CHST3: variants seen among roughly 807,000 people sequenced by gnomAD.
CHST3 encodes the protein carbohydrate sulfotransferase 3, also known as C6ST-1.
A neutral mutation model predicts 35.4 loss-of-function variants in CHST3; 20 were observed. That is an observed-to-expected ratio of 0.57 (90% CI 0.40 to 0.82). CHST3 has a LOEUF of 0.82. CHST3 is among the 40% of genes least tolerant of loss of function. The pLI, the probability that CHST3 is intolerant of heterozygous loss-of-function variation, is 0.00. For missense variants in CHST3, 693 were observed against 670.1 expected (o/e 1.03, Z -0.38); for synonymous variants, 334 against 295.9 (o/e 1.13, Z -1.32).
Position 71,964,614 on chromosome 10 carries a change from GC to G in CHST3, c.-187del, listed in dbSNP as rs1839610556. On this transcript the variant is annotated 5_prime_UTR_variant, in exon 1 of 3. Transcript: ENST00000373115. ...TCTGCCGGGATCTTCCAGGAGGAAA[GC>G]GAAGTTGCGAGCGGATGCTGCCCGC... 1 of 152,066 alleles carries G rather than the reference GC, an allele frequency of 6.6e-6. No individual in the cohort carries two copies. The highest frequency in any genetic ancestry group is 1.5e-5 in the Non-Finnish European group (1 of 67,988). 9.4% of individuals were successfully genotyped at this position (152,066 alleles called of 1,614,324 possible).
intron 1 of CHST3, among the ~76,000 whole-genome samples, chr10:71,976,541 G>A (rs568126156): frequency 6.6e-6 from 1 of 152,272 alleles, no homozygotes; most frequent in South Asian, 2.1e-4. Flanking sequence ...GGCTTCAGGG[G>A]TGGCCATTCC....
intron 1 of CHST3, among the ~76,000 whole-genome samples, chr10:72,003,240 G>A (rs1840009662): frequency 6.6e-6 from 1 of 152,222 alleles, no homozygotes; most frequent in African/African-American, 2.4e-5. Flanking sequence ...CAACCAGAGT[G>A]CAAGCCCCGG....
chr10:72,008,308 A>C lies in CHST3; in HGVS notation c.1277A>C (p.Glu426Ala), dbSNP rs1313539765. The C allele has an allele frequency of 6.3e-7, 1 of 1,583,304 alleles. No individual in the cohort carries two copies. The highest frequency in any genetic ancestry group is 1.2e-5 in the South Asian group (1 of 86,462). ...CAGAAGAACTCCTCGGAGCAGTTCG[A>C]GAAGTGGCGCTTCAGCATGCCCTTC... ...STQKNSSEQFEKWRFSMPFKL... is the reference protein window; with the variant it reads ...STQKNSSEQFAKWRFSMPFKL... Residue 426 changes from glutamate to alanine, a missense_variant, in exon 3 of 3, where the codon GAG (glutamate) becomes GCG (alanine). By Grantham distance (107) the Glu-to-Ala change is moderately radical. Transcript: ENST00000373115.
chr10:71,996,621 G>T (rs992862903), intron 1 of CHST3, among the ~76,000 whole-genome samples: 7 of 152,064 alleles, frequency 4.6e-5, no homozygotes, highest in African/African-American at 1.7e-4. Context: ...TTTTTCAGTG[G>T]AGTATTAATT....
chr10:71,980,343 C>T (rs1839787739), intron 1 of CHST3, among the ~76,000 whole-genome samples: 1 of 152,084 alleles, frequency 6.6e-6, no homozygotes, highest in Admixed American at 6.6e-5. Context: ...CGTTGTACTC[C>T]AACCCGGGCA....
At chr10:71,999,584 G>A (rs543814867) in intron 1 of CHST3, among the ~76,000 whole-genome samples, 7 of 152,328 alleles carry the variant, frequency 4.6e-5, no homozygotes, top group African/African-American at 9.6e-5. Context: ...CCAGGCAGGC[G>A]AGGGGAGTGG....
intron 1 of CHST3, among the ~76,000 whole-genome samples, chr10:71,969,467 C>T (rs1288014772): frequency 6.6e-6 from 1 of 152,204 alleles, no homozygotes; most frequent in Non-Finnish European, 1.5e-5. Flanking sequence ...TGAGAGCCCC[C>T]AGTACAGATG....
At chr10:71,967,184 GT>G (rs1839639762) in intron 1 of CHST3, among the ~76,000 whole-genome samples, 1 of 152,098 alleles carries the variant, frequency 6.6e-6, no homozygotes, top group African/African-American at 2.4e-5. Flanking sequence ...TAGAGACAGG[GT>G]TTTACCATGT....
intron 1 of CHST3, among the ~76,000 whole-genome samples, chr10:71,994,207 G>A (rs746854503): frequency 5.3e-5 from 8 of 151,902 alleles, no homozygotes; most frequent in Non-Finnish European, 8.8e-5. Flanking sequence ...TGAGGCTACA[G>A]TAAGCCATAA....
chr10:72,013,403 A>G lies in CHST3; in HGVS notation c.*4932A>G, dbSNP rs939267022. On this transcript the variant is annotated 3_prime_UTR_variant, in exon 3 of 3. Coordinates refer to ENST00000373115, the MANE Select transcript of CHST3 (RefSeq NM_004273.5). ...TCCCAGATGTCCTTGCCATGGCCACAGACAATCTGCCGTCTCCTGGAAACG... is the reference window on the plus strand; with the variant it reads ...TCCCAGATGTCCTTGCCATGGCCACGGACAATCTGCCGTCTCCTGGAAACG... 2 of 152,172 alleles carry G rather than the reference A, an allele frequency of 1.3e-5. No homozygotes were observed. The highest frequency in any genetic ancestry group is 1.3e-4 in the Admixed American group (2 of 15,280). 9.4% of individuals were successfully genotyped at this position (152,172 alleles called of 1,614,324 possible).
At chr10:71,994,950 A>G (rs1165520569) in intron 1 of CHST3, among the ~76,000 whole-genome samples, 2 of 152,178 alleles carry the variant, frequency 1.3e-5, no homozygotes, top group African/African-American at 4.8e-5. Flanking sequence ...TGTCTCTCTC[A>G]GCTTTCCTAG....
chr10:71,994,280 A>T (rs2131758703), intron 1 of CHST3, among the ~76,000 whole-genome samples: 1 of 152,178 alleles, frequency 6.6e-6, no homozygotes, highest in Admixed American at 6.5e-5. Flanking sequence ...AAAAAAAAAA[A>T]ATTAATTAAT....
At chr10:71,991,578 A>G (rs910981761) in intron 1 of CHST3, among the ~76,000 whole-genome samples, 3 of 152,216 alleles carry the variant, frequency 2.0e-5, no homozygotes, top group South Asian at 4.1e-4. Context: ...CACTGCAACA[A>G]AATTAATATC....
intron 1 of CHST3, among the ~76,000 whole-genome samples, chr10:71,977,703 T>C (rs1190564339): frequency 6.6e-6 from 1 of 152,092 alleles, no homozygotes; most frequent in Admixed American, 6.6e-5. Flanking sequence ...AGGGTCTTGC[T>C]CAGTTGCCCA....
At chr10:71,990,313 G>T (rs559548939) in intron 1 of CHST3, among the ~76,000 whole-genome samples, 1 of 152,262 alleles carries the variant, frequency 6.6e-6, no homozygotes, top group Admixed American at 6.5e-5. Context: ...CCTACCTGTG[G>T]CGTCCTTACC....
At chr10:72,005,066 A>G (rs1334191580) in intron 1 of CHST3, among the ~76,000 whole-genome samples, 3 of 152,224 alleles carry the variant, frequency 2.0e-5, no homozygotes, top group African/African-American at 7.2e-5. Context: ...TTGAGGCTGC[A>G]GTAAACTATG....
Position 72,008,636 on chromosome 10 carries a change from T to G in CHST3, c.*165T>G, listed in dbSNP as rs577535813. On this transcript the variant is annotated 3_prime_UTR_variant, in exon 3 of 3. Coordinates refer to ENST00000373115, the MANE Select transcript of CHST3 (RefSeq NM_004273.5). ...CCAAAGCGGCGGCCCCAGGGTTAAT[T>G]GCGGAGAACAGGACAGTGCCCGGTC... is the stretch of plus-strand genomic sequence containing the variant. 3 of 1,377,714 alleles carry G rather than the reference T, an allele frequency of 2.2e-6. No individual in the cohort carries two copies. The highest frequency in any genetic ancestry group is 2.9e-5 in the African/African-American group (2 of 68,488). 85.3% of individuals were successfully genotyped at this position (1,377,714 alleles called of 1,614,324 possible).
In CHST3 at chr10:72,008,211, A is replaced by T. The variant is rs763951694; in HGVS notation, c.1180A>T (p.Thr394Ser). The T allele has an allele frequency of 1.3e-6, 2 of 1,553,456 alleles. No individual in the cohort carries two copies. The highest frequency in any genetic ancestry group is 1.7e-6 in the Non-Finnish European group (2 of 1,148,640). Residue 394 changes from threonine to serine, a missense_variant, in exon 3 of 3, where the codon ACC becomes TCC. Physicochemically the swap from Thr to Ser is moderately conservative, Grantham distance 58 (BLOSUM62 1). Coordinates refer to ENST00000373115, the MANE Select transcript of CHST3 (RefSeq NM_004273.5). ...GTACCGCTTCGCCGGCATCCCCCTG[A>T]CCCCGCAGGTGGAAGACTGGATCCA... The part of the protein sequence containing the change: ...EMYRFAGIPL[T>S]PQVEDWIQKN...
At chr10:71,987,714 C>CAAAAA (rs386371790) in intron 1 of CHST3, among the ~76,000 whole-genome samples, 8,226 of 88,366 alleles carry the variant, frequency 0.093, 506 homozygotes, top group Admixed American at 0.13. Context: ...GAGACTGTCT[C>CAAAAA]AAAAAAAAAA....
Sources: allele counts gnomAD v4.1 joint callset (sites outside exome capture counted in the v4.1 genomes callset), GRCh38; gene constraint gnomAD v4.1.1; transcripts MANE v1.5; gene names NCBI Gene and HGNC (gene_info 2026-07-23, HGNC 2026-07-21).